The following HSF5 variants were observed in gnomAD, a reference collection of about 807,000 sequenced individuals.
HSF5 encodes the protein heat shock transcription factor 5, also known as heat shock factor protein 5.
In HSF5, 5 loss-of-function variants were observed where a neutral mutation model predicts 50.8. The observed-to-expected ratio is 0.10, with a 90% CI of 0.05 to 0.21. The LOEUF (loss-of-function observed/expected upper bound fraction) is 0.21. HSF5 is among the 10% of genes least tolerant of loss of function. The probability of loss-of-function intolerance (pLI) is 1.00; values close to 1 mark genes in which losing one functional copy is unlikely to be tolerated. For missense variants in HSF5, 564 were observed against 762.6 expected, an observed-to-expected ratio of 0.74 and a Z score of 3.07; for synonymous variants, 307 against 307.4, an observed-to-expected ratio of 1.00 and a Z score of 0.02.
At chr17:58,486,037 C>G (rs535415577) in intron 1 of HSF5, among the ~76,000 whole-genome samples, 60 of 152,066 alleles carry the variant, frequency 3.9e-4, no homozygotes, top group Non-Finnish European at 7.8e-4. Flanking sequence ...CCATTGCACG[C>G]CAGCCTGGGC....
At chr17:58,440,898 T>A (rs1974490920) in intron 5 of HSF5, among the ~76,000 whole-genome samples, 1 of 151,688 alleles carries the variant, frequency 6.6e-6, no homozygotes. Flanking sequence ...GTAGAAGAAA[T>A]AACTCAAAAA....
chr17:58,424,927 T>C (rs975649844), intron 5 of HSF5, among the ~76,000 whole-genome samples: 2 of 152,218 alleles, frequency 1.3e-5, no homozygotes, highest in African/African-American at 2.4e-5. Flanking sequence ...GTAGCTGGAA[T>C]AGTCAAATTC....
At chr17:58,458,132 T>C (rs990980887) in intron 5 of HSF5, among the ~76,000 whole-genome samples, 1 of 152,222 alleles carries the variant, frequency 6.6e-6, no homozygotes, top group African/African-American at 2.4e-5. Context: ...CTGCAGACTT[T>C]GGTAACTTGA....
intron 5 of HSF5, among the ~76,000 whole-genome samples, chr17:58,426,967 G>A (rs775745340): frequency 1.3e-5 from 2 of 152,026 alleles, no homozygotes; most frequent in Non-Finnish European, 2.9e-5. Context: ...AAAAAAAAAT[G>A]TTGGCCAGGT....
chr17:58,421,696 T>C lies in HSF5; in HGVS notation c.*664A>G, dbSNP rs1161831076. ...TTAAAATTAAAGAAAGATATGAAAATAGAAGAATGCTTCCATTAATATAAA... is the reference window on the plus strand; with the variant it reads ...TTAAAATTAAAGAAAGATATGAAAACAGAAGAATGCTTCCATTAATATAAA... On this transcript the variant is annotated 3_prime_UTR_variant, in exon 6 of 6. Coordinates refer to ENST00000323777, the MANE Select transcript of HSF5 (RefSeq NM_001080439.3). The C allele has an allele frequency of 1.3e-5, 2 of 152,468 alleles. No individual in the cohort carries two copies. The highest frequency in any genetic ancestry group is 1.5e-5 in the Non-Finnish European group (1 of 68,016). The allele number at this position is 152,468 out of a possible 1,614,324, so 9.4% of individuals were successfully genotyped here.
At chr17:58,455,181 T>C (rs1974692607) in intron 5 of HSF5, among the ~76,000 whole-genome samples, 1 of 152,182 alleles carries the variant, frequency 6.6e-6, no homozygotes, top group East Asian at 1.9e-4. Context: ...TTTATACATT[T>C]ATAGCTAACT....
At chr17:58,448,363 C>T (rs1974589938) in intron 5 of HSF5, among the ~76,000 whole-genome samples, 2 of 151,946 alleles carry the variant, frequency 1.3e-5, no homozygotes, top group African/African-American at 4.8e-5. Flanking sequence ...GAGAAAGATA[C>T]AAATATTCAG....
intron 5 of HSF5, among the ~76,000 whole-genome samples, chr17:58,437,115 G>A (rs1372666264): frequency 6.6e-6 from 1 of 152,010 alleles, no homozygotes; most frequent in Non-Finnish European, 1.5e-5. Flanking sequence ...TCTGCATCTG[G>A]TATAGCATGG....
At chr17:58,485,021 C>A (rs973355835) in intron 1 of HSF5, among the ~76,000 whole-genome samples, 18 of 129,598 alleles carry the variant, frequency 1.4e-4, no homozygotes, top group African/African-American at 5.3e-4. Context: ...ATGGTGTGAT[C>A]TCGGCTCACT....
At position 58,463,126 on chromosome 17, in the gene HSF5, A is replaced by T; in HGVS notation, c.1198T>A (p.Cys400Ser). The T allele has an allele frequency of 6.2e-7, 1 of 1,614,212 alleles. No individual in the cohort carries two copies. The highest frequency in any genetic ancestry group is 8.5e-7 in the Non-Finnish European group (1 of 1,180,042). Residue 400 changes from cysteine (C) to serine (S), a missense_variant, in exon 4 of 6, where the codon TGC becomes AGC. Transcript: ENST00000323777. ...MVKVEPVENQ[C>S]PTSPSYRGQH... Reference sequence around the variant, plus strand: ...CCTCTGTAAGACGGAGATGTTGGGCACTGATTCTCAACAGGCTCCACCTTT... The same window carrying T: ...CCTCTGTAAGACGGAGATGTTGGGCTCTGATTCTCAACAGGCTCCACCTTT...
chr17:58,462,472 A>G (rs1598194633), intron 4 of HSF5, among the ~76,000 whole-genome samples: 1 of 152,222 alleles, frequency 6.6e-6, no homozygotes, highest in East Asian at 1.9e-4. Context: ...CCAAATTAAG[A>G]TAGGAAGCAA....
intron 4 of HSF5, among the ~76,000 whole-genome samples, chr17:58,461,544 T>C (rs1026823345): frequency 1.3e-5 from 2 of 151,576 alleles, no homozygotes; most frequent in Non-Finnish European, 2.9e-5. Flanking sequence ...AAATAAAAAG[T>C]AGGAAAAAAT....
chr17:58,453,810 C>T (rs1320117563), intron 5 of HSF5, among the ~76,000 whole-genome samples: 1 of 151,708 alleles, frequency 6.6e-6, no homozygotes, highest in African/African-American at 2.4e-5. Context: ...ACATCCTGGC[C>T]GGGCATGGTG....
At chr17:58,482,581 C>T (rs1267045859) in intron 1 of HSF5, among the ~76,000 whole-genome samples, 2 of 151,464 alleles carry the variant, frequency 1.3e-5, no homozygotes, top group Admixed American at 6.6e-5. Flanking sequence ...TGGTGGCACA[C>T]ACCTTGTAGT....
At chr17:58,439,294 A>AACC (rs1214956701) in intron 5 of HSF5, among the ~76,000 whole-genome samples, 2 of 150,758 alleles carry the variant, frequency 1.3e-5, no homozygotes, top group African/African-American at 4.9e-5. Flanking sequence ...AAACAACAAC[A>AACC]ACCAAAAAAA....
At position 58,463,019 on chromosome 17, in the gene HSF5, T is replaced by C; in HGVS notation, c.1305A>G (p.Val435=). 6.2e-7 allele frequency: 1 copy of C among 1,614,228 alleles called. No homozygotes were observed. Residue 435 remains valine, a synonymous_variant, in exon 4 of 6, where the codon GTA becomes GTG. Transcript: ENST00000323777. ...QASQLEPLTP[V]GSDIMSFVVG... ...CCACAAAAGACATAATATCTGAGCC[T>C]ACAGGAGTAAGTGGCTCCAGCTGGC... is the stretch of plus-strand genomic sequence containing the variant.
intron 4 of HSF5, among the ~76,000 whole-genome samples, chr17:58,462,137 G>C (rs1206023752): frequency 6.6e-6 from 1 of 152,138 alleles, no homozygotes. Context: ...CGTGCTATTT[G>C]ACTTTGTTTC....
intron 2 of HSF5, chr17:58,476,556 A>T (rs530050620): frequency 6.8e-7 from 1 of 1,460,114 alleles, no homozygotes; most frequent in Admixed American, 1.7e-5. Flanking sequence ...CAAGGTAAGG[A>T]TTTTGATCAA....
intron 2 of HSF5, among the ~76,000 whole-genome samples, chr17:58,467,438 G>T (rs1974883076): frequency 6.6e-6 from 1 of 152,170 alleles, no homozygotes; most frequent in Admixed American, 6.5e-5. Flanking sequence ...GCATCCAGTA[G>T]AAATGTACAC....
Sources: gnomAD v4.1 joint callset for allele counts (sites outside exome capture counted in the v4.1 genomes callset) on GRCh38, gnomAD v4.1.1 for gene constraint, MANE v1.5 for transcripts, NCBI Gene and HGNC (gene_info 2026-07-23, HGNC 2026-07-21) for gene names.